Variants in GNA12 observed in about 807,000 individuals in gnomAD.
GNA12 encodes the protein guanine nucleotide-binding protein subunit alpha-12.
Under a neutral mutation model 26.0 loss-of-function variants are expected in GNA12, and 9 were observed. The ratio of observed to expected loss-of-function variants is 0.35; its 90% CI spans 0.21 to 0.60. The LOEUF (loss-of-function observed/expected upper bound fraction) is 0.60. Among genes scored for constraint, GNA12 ranks in the 20% least tolerant of loss-of-function variants. The probability of loss-of-function intolerance (pLI) is 0.78; values close to 1 mark genes in which losing one functional copy is unlikely to be tolerated. For synonymous variants in GNA12, 264 were observed against 219.6 expected (o/e 1.20, Z -1.79); for missense variants, 405 against 525.8 (o/e 0.77, Z 2.25).
chr7:2,838,141 TA>T (rs113827579), intron 1 of GNA12, among the ~76,000 whole-genome samples: 149 of 147,610 alleles, frequency 1.0e-3, no homozygotes, highest in Admixed American at 3.0e-3. Context: ...GCATTATACT[TA>T]AAAAAAAAAA....
chr7:2,734,010 C>T (rs1460000016), intron 2 of GNA12, among the ~76,000 whole-genome samples: 3 of 152,362 alleles, frequency 2.0e-5, no homozygotes, highest in Non-Finnish European at 4.4e-5. Flanking sequence ...GTCCATTATT[C>T]CTTCCCACAT....
chr7:2,758,995 C>A (rs1002075760), intron 2 of GNA12, among the ~76,000 whole-genome samples: 1 of 151,812 alleles, frequency 6.6e-6, no homozygotes, highest in Admixed American at 6.6e-5. Flanking sequence ...CAAAAACTAG[C>A]GGGGCGTGGT....
intron 2 of GNA12, among the ~76,000 whole-genome samples, chr7:2,780,048 G>GTATATATATATATATATATA (rs1554259618): frequency 4.7e-5 from 4 of 84,732 alleles, no homozygotes; most frequent in African/African-American, 2.3e-4. Context: ...ACATTTCTGT[G>GTATATATATATATATATATA]TACATATATA....
chr7:2,744,606 G>T (rs1583225169), intron 2 of GNA12, among the ~76,000 whole-genome samples: 1 of 152,152 alleles, frequency 6.6e-6, no homozygotes, highest in African/African-American at 2.4e-5. Context: ...CTAAAAATCA[G>T]AGCACCTCTC....
Position 2,753,952 on chromosome 7 carries a change from C to T in GNA12, c.526-20451G>A, listed in dbSNP as rs369295805. Among the ~76,000 whole-genome samples, 33 of 152,206 alleles carry T rather than the reference C, an allele frequency of 2.2e-4. No homozygotes were observed. The East Asian group carries it at 2.7e-3, about 12-fold the overall frequency. On this transcript the variant is annotated intron_variant, in intron 2 of 3. Transcript: ENST00000275364. ...AATCCGACCACGAGCTCTGTAGGTC[C>T]GGCGGCGCATCTTAGGTGCTTTGTT...
intron 1 of GNA12, chr7:2,814,876 C>T: frequency 6.2e-7 from 1 of 1,602,176 alleles, no homozygotes. Flanking sequence ...CACTCACTCA[C>T]ACGACTGCCA....
chr7:2,803,132 A>C (rs111767842), intron 1 of GNA12, among the ~76,000 whole-genome samples: 2,508 of 152,294 alleles, frequency 0.016, 41 homozygotes, highest in Middle Eastern at 0.075. Context: ...GGCTCCTGCT[A>C]TGGGAGAACT....
chr7:2,763,708 A>C (rs1791682998), intron 2 of GNA12, among the ~76,000 whole-genome samples: 1 of 152,208 alleles, frequency 6.6e-6, no homozygotes, highest in African/African-American at 2.4e-5. Context: ...CTTGTCCAGG[A>C]AACCAAAGCT....
At position 2,814,375 on chromosome 7, in the gene GNA12, T is replaced by C. The variant is rs186468946; in HGVS notation, c.310-19232A>G. The C allele has an allele frequency of 3.1e-3, 4,933 of 1,594,484 alleles. 290 individuals carry two copies. The Admixed American group carries it at 0.078, about 25-fold the overall frequency. ...GGCAGCACTTTCGGTTTCCATCTGG[T>C]GTGCTTCCCGAACCCTGCAAGTCAA... is the stretch of plus-strand genomic sequence containing the variant. On this transcript the variant is annotated intron_variant, in intron 1 of 3. Transcript: ENST00000275364.
At chr7:2,803,286 A>G (rs534707798) in intron 1 of GNA12, among the ~76,000 whole-genome samples, 2 of 149,800 alleles carry the variant, frequency 1.3e-5, no homozygotes, top group South Asian at 4.2e-4. Context: ...GGCCTCGCTC[A>G]CAGACAGGCT....
intron 1 of GNA12, among the ~76,000 whole-genome samples, chr7:2,814,092 G>A (rs943405097): frequency 3.3e-5 from 5 of 152,242 alleles, no homozygotes; most frequent in Admixed American, 6.5e-5. Flanking sequence ...TCAGGCCTTC[G>A]GACATGAGCT....
chr7:2,830,213 G>C (rs1191904700), intron 1 of GNA12, among the ~76,000 whole-genome samples: 1 of 151,132 alleles, frequency 6.6e-6, no homozygotes, highest in Non-Finnish European at 1.5e-5. Flanking sequence ...ACTGGGGCTG[G>C]GGTCAGGAAA....
At chr7:2,769,026 C>T (rs1009220584) in intron 2 of GNA12, among the ~76,000 whole-genome samples, 1 of 152,198 alleles carries the variant, frequency 6.6e-6, no homozygotes, top group Non-Finnish European at 1.5e-5. Flanking sequence ...GCCTCAGCCT[C>T]CTGAGTAGCT....
intron 1 of GNA12, among the ~76,000 whole-genome samples, chr7:2,808,241 T>C (rs116018377): frequency 0.025 from 3,816 of 152,324 alleles, 123 homozygotes; most frequent in Middle Eastern, 0.075. Flanking sequence ...GTGACCATCA[T>C]GAGTAGTGCT....
chr7:2,821,190 A>G (rs1319285981), intron 1 of GNA12, among the ~76,000 whole-genome samples: 1 of 152,218 alleles, frequency 6.6e-6, no homozygotes, highest in Non-Finnish European at 1.5e-5. Flanking sequence ...TGACGCTTAG[A>G]TTACAGATGT....
chr7:2,829,559 TTAA>T (rs2114971522), intron 1 of GNA12, among the ~76,000 whole-genome samples: 1 of 152,358 alleles, frequency 6.6e-6, no homozygotes, highest in East Asian at 1.9e-4. Flanking sequence ...GCATCTCATG[TTAA>T]TGCTTTCTCA....
intron 1 of GNA12, among the ~76,000 whole-genome samples, chr7:2,830,058 C>A (rs1188842476): frequency 6.6e-6 from 1 of 152,178 alleles, no homozygotes; most frequent in Admixed American, 6.5e-5. Context: ...CTGGCTCCAC[C>A]AAGGACCCTT....
rs368832226 is a variant in GNA12 at position 2,760,104 on chromosome 7, A to G, written c.526-26603T>C. On this transcript the variant is annotated intron_variant, in intron 2 of 3. Transcript: ENST00000275364. ...AAGAGCTCCAAGGCCTCTGTTGGCA[A>G]TGTGTAGCTTGGATGTGTGGACAAA... Among the ~76,000 whole-genome samples, 5 of 152,352 alleles carry G rather than the reference A, an allele frequency of 3.3e-5. No homozygotes were observed. In the East Asian group the frequency reaches 7.7e-4, roughly 24 times the overall value.
At chr7:2,773,789 C>T (rs1792007451) in intron 2 of GNA12, among the ~76,000 whole-genome samples, 1 of 152,192 alleles carries the variant, frequency 6.6e-6, no homozygotes, top group Admixed American at 6.5e-5. Flanking sequence ...GAAATGCCTA[C>T]ATCTCTTCAC....
Sources: gnomAD v4.1 joint callset for allele counts (sites outside exome capture counted in the v4.1 genomes callset) on GRCh38, gnomAD v4.1.1 for gene constraint, MANE v1.5 for transcripts, NCBI Gene and HGNC (gene_info 2026-07-23, HGNC 2026-07-21) for gene names.